SIK3: variants seen among roughly 807,000 people sequenced by gnomAD.
The protein encoded by SIK3 is SIK family kinase 3, also known as serine/threonine-protein kinase SIK3.
In SIK3, 28 loss-of-function variants were observed where a neutral mutation model predicts 144.2. The ratio of observed to expected loss-of-function variants is 0.19; its 90% confidence interval spans 0.14 to 0.27. The LOEUF (loss-of-function observed/expected upper bound fraction) is 0.27, where lower values mean the gene tolerates loss of function less well. SIK3 is among the 10% of genes least tolerant of loss of function. The probability of loss-of-function intolerance (pLI) is 1.00; values close to 1 mark genes in which losing one functional copy is unlikely to be tolerated. For missense variants in SIK3, 1,319 were observed against 1,776.0 expected, an observed-to-expected ratio of 0.74 and a Z score of 4.62; for synonymous variants, 686 against 676.3, an observed-to-expected ratio of 1.01 and a Z score of -0.22.
chr11:116,888,225 A>G (rs1036376437), intron 6 of SIK3, among the ~76,000 whole-genome samples: 2 of 152,240 alleles, frequency 1.3e-5, no homozygotes, highest in Non-Finnish European at 2.9e-5. Context: ...AAAAACAGAT[A>G]AACTCAGCTC....
In SIK3 at chr11:117,071,930, T is replaced by C. The variant is rs201253752; in HGVS notation, c.273+26213A>G. 7.4e-5 allele frequency among the ~76,000 whole-genome samples: 11 copies of C among 149,614 alleles called. No individual in the cohort carries two copies. In the East Asian group the frequency reaches 1.8e-3, roughly 24 times the overall value. On this transcript the variant is annotated intron_variant, in intron 1 of 24. Coordinates refer to ENST00000445177, the MANE Select transcript of SIK3 (RefSeq NM_001366686.3). The stretch of plus-strand genomic sequence containing the variant: ...CACCACACCCAGCCAAGAGTTGTGT[T>C]TGTTTGTTTGTTTTAATGAAAGATT...
chr11:116,948,334 T>C (rs115255270), intron 3 of SIK3, among the ~76,000 whole-genome samples: 11,167 of 151,988 alleles, frequency 0.073, 737 homozygotes, highest in African/African-American at 0.18. Flanking sequence ...CTGAAATGCA[T>C]TGGCACAATC....
At chr11:116,942,968 G>C (rs1436686709) in intron 3 of SIK3, among the ~76,000 whole-genome samples, 1 of 152,114 alleles carries the variant, frequency 6.6e-6, no homozygotes, top group Non-Finnish European at 1.5e-5. Context: ...CTATTTAAAG[G>C]CTACTGCAGT....
intron 1 of SIK3, among the ~76,000 whole-genome samples, chr11:117,066,906 A>G (rs1383961290): frequency 1.3e-5 from 2 of 152,226 alleles, no homozygotes; most frequent in Non-Finnish European, 2.9e-5. Flanking sequence ...CAGCATGAAA[A>G]TAAGTACATA....
At chr11:116,939,882 AG>A (rs974743520) in intron 3 of SIK3, among the ~76,000 whole-genome samples, 36 of 152,246 alleles carry the variant, frequency 2.4e-4, no homozygotes, top group African/African-American at 8.7e-4. Context: ...TTAAAAATTT[AG>A]ATTATAAAAA....
intron 1 of SIK3, among the ~76,000 whole-genome samples, chr11:117,087,211 C>CG (rs1353783589): frequency 1.3e-5 from 2 of 151,556 alleles, no homozygotes; most frequent in Admixed American, 6.6e-5. Context: ...AGGCTGGGGG[C>CG]GGGGGGTGGA....
At chr11:116,941,634 TC>T (rs1338486329) in intron 3 of SIK3, among the ~76,000 whole-genome samples, 1 of 152,212 alleles carries the variant, frequency 6.6e-6, no homozygotes, top group Non-Finnish European at 1.5e-5. Flanking sequence ...AGTTCAGGGT[TC>T]CATACATGTT....
intron 4 of SIK3, among the ~76,000 whole-genome samples, chr11:116,897,713 T>A (rs901714655): frequency 6.6e-6 from 1 of 151,974 alleles, no homozygotes; most frequent in Non-Finnish European, 1.5e-5. Context: ...TGAAACCTCC[T>A]CTCCACCAAC....
At chr11:117,040,851 G>C (rs978524448) in intron 1 of SIK3, among the ~76,000 whole-genome samples, 12 of 150,674 alleles carry the variant, frequency 8.0e-5, no homozygotes, top group South Asian at 4.2e-4. Flanking sequence ...ATATATTTAA[G>C]GTATACAACA....
At position 116,859,306 on chromosome 11, in the gene SIK3, G is replaced by A; in HGVS notation, c.2724C>T (p.Pro908=). The change falls in exon 20 of 25, where the codon CCC becomes CCT. Residue 908 remains proline (P), a synonymous_variant. Coordinates refer to ENST00000445177, the MANE Select transcript of SIK3 (RefSeq NM_001366686.3). ...TGTCAGCACTCAGCTGCTTGGACAA[G>A]GGACGGTGCCCATAGCTGAGGGTGG... ...LMATLSYGHR[P]LSKQLSADSA... is the part of the protein sequence containing the mutation. The A allele has an allele frequency of 6.2e-7, 1 of 1,612,910 alleles. No individual in the cohort carries two copies. Among genetic ancestry groups the A allele is most frequent in the Non-Finnish European group, 8.5e-7 (1 of 1,179,154 alleles).
intron 1 of SIK3, among the ~76,000 whole-genome samples, chr11:116,999,103 G>T (rs895667061): frequency 2.0e-5 from 3 of 152,142 alleles, no homozygotes; most frequent in Admixed American, 6.5e-5. Context: ...GAAGATGTAT[G>T]AAAAATATAG....
intron 9 of SIK3, 35 bp downstream of exon 9, chr11:116,875,830 CT>C (rs747409883): frequency 1.3e-5 from 21 of 1,571,052 alleles, no homozygotes; most frequent in Non-Finnish European, 8.6e-7. Flanking sequence ...CCTGGTGTTA[CT>C]TGTCCTGAAC....
In SIK3 at chr11:116,897,180, G is replaced by T. The variant is rs1252111074; in HGVS notation, c.741+13C>A. 1 of 1,613,340 alleles carries T rather than the reference G, an allele frequency of 6.2e-7. No individual in the cohort carries two copies. Among genetic ancestry groups the T allele is most frequent in the East Asian group, 2.2e-5 (1 of 44,844 alleles). On this transcript the variant is annotated intron_variant, in intron 5 of 24. Coordinates refer to ENST00000445177, the MANE Select transcript of SIK3 (RefSeq NM_001366686.3). ...GCTAATGCTGTGGGGTATAAGAGAA[G>T]GCAGTTACTTACCCAGATGTCCACT...
chr11:116,848,611 A>G (rs1942185083), intron 22 of SIK3, among the ~76,000 whole-genome samples: 1 of 152,138 alleles, frequency 6.6e-6, no homozygotes, highest in African/African-American at 2.4e-5. Context: ...AGGTTTAATA[A>G]CCAAAACTAC....
At chr11:116,938,535 CGGAAGGGGAG>C (rs1565475591) in intron 3 of SIK3, among the ~76,000 whole-genome samples, 1 of 18,066 alleles carries the variant, frequency 5.5e-5, no homozygotes. Context: ...GGGGACGGGA[CGGAAGGGGAG>C]GGGAGGGGAG....
At chr11:116,951,339 G>A (rs966115402) in intron 3 of SIK3, among the ~76,000 whole-genome samples, 1 of 151,330 alleles carries the variant, frequency 6.6e-6, no homozygotes, top group African/African-American at 2.4e-5. Context: ...ATTTCTTTAG[G>A]TAATACACTA....
intron 1 of SIK3, among the ~76,000 whole-genome samples, chr11:116,972,674 G>A (rs889749477): frequency 1.3e-5 from 2 of 152,014 alleles, no homozygotes; most frequent in Non-Finnish European, 2.9e-5. Context: ...CTCTTCAGAA[G>A]TCATATTATG....
At chr11:117,055,143 G>A (rs190792588) in intron 1 of SIK3, among the ~76,000 whole-genome samples, 10 of 152,294 alleles carry the variant, frequency 6.6e-5, no homozygotes, top group Non-Finnish European at 1.0e-4. Flanking sequence ...GAAAGACTCT[G>A]ACTTTAGATA....
At chr11:117,078,117 T>C (rs1411760771) in intron 1 of SIK3, among the ~76,000 whole-genome samples, 1 of 152,234 alleles carries the variant, frequency 6.6e-6, no homozygotes, top group Non-Finnish European at 1.5e-5. Flanking sequence ...ATTAGCTCAG[T>C]TCCCTAGACC....
Sources: allele counts gnomAD v4.1 joint callset (sites outside exome capture counted in the v4.1 genomes callset), GRCh38; gene constraint gnomAD v4.1.1; transcripts MANE v1.5; gene names NCBI Gene and HGNC (gene_info 2026-07-23, HGNC 2026-07-21).